The following LIN52 variants were observed in gnomAD, a reference collection of about 807,000 sequenced individuals.
LIN52 encodes the protein lin-52 DREAM MuvB core complex component, also known as protein lin-52 homolog.
Under a neutral mutation model 18.5 loss-of-function variants are expected in LIN52, and 4 were observed. The ratio of observed to expected loss-of-function variants is 0.22; its 90% CI spans 0.11 to 0.49. The LOEUF (loss-of-function observed/expected upper bound fraction) is 0.49. Among genes scored for constraint, LIN52 ranks in the 20% least tolerant of loss-of-function variants. LIN52 has a pLI of 0.97. For missense variants in LIN52, 102 were observed against 139.5 expected, an observed-to-expected ratio of 0.73 and a Z score of 1.35; for synonymous variants, 34 against 45.5, an observed-to-expected ratio of 0.75 and a Z score of 1.02.
intron 4 of LIN52, among the ~76,000 whole-genome samples, chr14:74,099,643 A>G (rs2060840142): frequency 1.3e-5 from 2 of 150,876 alleles, no homozygotes; most frequent in Admixed American, 6.6e-5. Context: ...TTTTTTTATT[A>G]CTCAGTCTCC....
At chr14:74,194,735 G>A (rs1336285121) in intron 5 of LIN52, among the ~76,000 whole-genome samples, 1 of 152,144 alleles carries the variant, frequency 6.6e-6, no homozygotes. Flanking sequence ...TCTCCTGCAC[G>A]GCATACACCA....
chr14:74,161,184 A>AATTTATTT (rs886912419), intron 5 of LIN52, among the ~76,000 whole-genome samples: 1 of 151,884 alleles, frequency 6.6e-6, no homozygotes. Flanking sequence ...AACAGGGAAA[A>AATTTATTT]ATTTATTTAT....
chr14:74,192,055 T>C (rs1468236216), intron 5 of LIN52, among the ~76,000 whole-genome samples: 1 of 152,196 alleles, frequency 6.6e-6, no homozygotes, highest in Non-Finnish European at 1.5e-5. Flanking sequence ...ACAGTATGCC[T>C]TCATTCACAC....
At chr14:74,196,041 C>A (rs554605100) in intron 5 of LIN52, among the ~76,000 whole-genome samples, 2 of 152,152 alleles carry the variant, frequency 1.3e-5, no homozygotes, top group Non-Finnish European at 2.9e-5. Flanking sequence ...GTCATACATT[C>A]GTATATCTCC....
intron 5 of LIN52, among the ~76,000 whole-genome samples, chr14:74,102,334 GT>G (rs1212209173): frequency 3.3e-5 from 5 of 152,078 alleles, no homozygotes; most frequent in African/African-American, 9.7e-5. Flanking sequence ...TTCTATTACT[GT>G]CATCAGCAGT....
At chr14:74,126,431 A>G (rs928683817) in intron 5 of LIN52, among the ~76,000 whole-genome samples, 2 of 152,246 alleles carry the variant, frequency 1.3e-5, no homozygotes, top group African/African-American at 4.8e-5. Flanking sequence ...ATGCTTCTAC[A>G]CAAATGTTCA....
intron 2 of LIN52, among the ~76,000 whole-genome samples, chr14:74,092,381 C>T (rs1232513896): frequency 6.6e-6 from 1 of 151,200 alleles, no homozygotes; most frequent in African/African-American, 2.4e-5. Context: ...TGTTGGCTCA[C>T]TGCAACCTCT....
intron 5 of LIN52, among the ~76,000 whole-genome samples, chr14:74,176,355 G>A (rs1284044079): frequency 1.3e-5 from 2 of 151,890 alleles, no homozygotes; most frequent in African/African-American, 2.4e-5. Context: ...CAAGTGATCC[G>A]CCTGCCTTGG....
At chr14:74,117,800 T>G (rs934908541) in intron 5 of LIN52, among the ~76,000 whole-genome samples, 1 of 152,238 alleles carries the variant, frequency 6.6e-6, no homozygotes, top group African/African-American at 2.4e-5. Flanking sequence ...TGGGAATTTA[T>G]AAATGATCAC....
chr14:74,128,434 A>G (rs902536617), intron 5 of LIN52, among the ~76,000 whole-genome samples: 2 of 152,178 alleles, frequency 1.3e-5, no homozygotes, highest in Admixed American at 1.3e-4. Context: ...ACCATCCAAA[A>G]GGATTGGAAG....
At chr14:74,112,221 G>T (rs912727080) in intron 5 of LIN52, among the ~76,000 whole-genome samples, 3 of 151,808 alleles carry the variant, frequency 2.0e-5, no homozygotes, top group Admixed American at 6.6e-5. Context: ...TAGCTTTGTT[G>T]ATACCTTGTT....
Position 74,166,235 on chromosome 14 carries a change from A to G in LIN52, c.284-32687A>G, listed in dbSNP as rs199724501. 3.4e-4 allele frequency among the ~76,000 whole-genome samples: 51 copies of G among 148,632 alleles called. No homozygotes were observed. In the East Asian group the frequency reaches 8.9e-3, roughly 26 times the overall value. On this transcript the variant is annotated intron_variant, in intron 5 of 5. Coordinates refer to ENST00000555028, the MANE Select transcript of LIN52 (RefSeq NM_001024674.3). ...ATTAAGTTATTTTTTATTTTTTTTA[A>G]GACAGAGTTTTGCTCTCGTTGCCCA...
At chr14:74,110,544 C>T (rs1016391418) in intron 5 of LIN52, among the ~76,000 whole-genome samples, 7 of 152,104 alleles carry the variant, frequency 4.6e-5, no homozygotes, top group African/African-American at 1.7e-4. Flanking sequence ...GTGGCGCACG[C>T]CCATAGTCCC....
chr14:74,145,415 T>G (rs944022355), intron 5 of LIN52, among the ~76,000 whole-genome samples: 2 of 152,248 alleles, frequency 1.3e-5, no homozygotes, highest in Non-Finnish European at 2.9e-5. Context: ...TACACTGCCT[T>G]CTTCCTTACA....
At chr14:74,177,065 C>A (rs1380263096) in intron 5 of LIN52, among the ~76,000 whole-genome samples, 2 of 151,390 alleles carry the variant, frequency 1.3e-5, no homozygotes, top group African/African-American at 4.9e-5. Flanking sequence ...ATGGTGCGAT[C>A]TCGGCTCACT....
chr14:74,174,763 A>T (rs1334071393), intron 5 of LIN52: 1 of 140,510 alleles, frequency 7.1e-6, no homozygotes, highest in Non-Finnish European at 1.5e-5. Context: ...TTAAAAAAAC[A>T]AAAACTAAAA....
chr14:74,111,738 T>G (rs988642339), intron 5 of LIN52, among the ~76,000 whole-genome samples: 1 of 151,960 alleles, frequency 6.6e-6, no homozygotes, highest in African/African-American at 2.4e-5. Flanking sequence ...TTAATAGTCC[T>G]TGACTGAGGA....
chr14:74,184,564 C>G (rs570117606), intron 5 of LIN52, among the ~76,000 whole-genome samples: 2 of 152,120 alleles, frequency 1.3e-5, no homozygotes, highest in Non-Finnish European at 2.9e-5. Context: ...TCTGTCTGTT[C>G]CAGTTTGAGT....
chr14:74,157,640 T>C (rs2061205390), intron 5 of LIN52, among the ~76,000 whole-genome samples: 5 of 151,890 alleles, frequency 3.3e-5, no homozygotes, highest in Admixed American at 3.3e-4. Context: ...TTTTGATATT[T>C]TTTTTTTCTG....
Sources: allele counts gnomAD v4.1 joint callset (sites outside exome capture counted in the v4.1 genomes callset), GRCh38; gene constraint gnomAD v4.1.1; transcripts MANE v1.5; gene names NCBI Gene and HGNC (gene_info 2026-07-23, HGNC 2026-07-21).